The following NPHP4 variants were observed in gnomAD, a reference collection of about 807,000 sequenced individuals.
NPHP4 encodes nephrocystin-4.
A neutral mutation model predicts 155.8 loss-of-function variants in NPHP4; 151 were observed. That is an observed-to-expected ratio of 0.97 (90% CI 0.85 to 1.11). The LOEUF (loss-of-function observed/expected upper bound fraction) is 1.11. Ranked by LOEUF, NPHP4 falls within the 50% of genes least tolerant of loss-of-function variation. The pLI, the probability that NPHP4 is intolerant of heterozygous loss-of-function variation, is 0.00. For missense variants in NPHP4, 1,956 were observed against 1,925.7 expected, an observed-to-expected ratio of 1.02 and a Z score of -0.29; for synonymous variants, 845 against 816.8, an observed-to-expected ratio of 1.03 and a Z score of -0.59.
chr1:5,903,669 A>T (rs1313013839), intron 16 of NPHP4, among the ~76,000 whole-genome samples: 1 of 152,208 alleles, frequency 6.6e-6, no homozygotes, highest in Non-Finnish European at 1.5e-5. Context: ...TTACTTCAGA[A>T]ATTGGCAAAT....
At chr1:5,864,780 C>G in intron 27 of NPHP4, 1 of 537,526 alleles carries the variant, frequency 1.9e-6, no homozygotes, top group East Asian at 2.9e-5. Flanking sequence ...GGGCTTAAAA[C>G]CCCGGCCAGC....
At chr1:5,880,764 G>A (rs183255106) in intron 18 of NPHP4, 282 of 162,772 alleles carry the variant, frequency 1.7e-3, no homozygotes, top group African/African-American at 6.0e-3. Flanking sequence ...CGTGTCTCAC[G>A]GCCGGTGGGT....
chr1:5,866,414 A>C lies in NPHP4; in HGVS notation c.3603T>G (p.Gly1201=). 1 of 1,608,624 alleles carries C rather than the reference A, an allele frequency of 6.2e-7. No homozygotes were observed. Among genetic ancestry groups the C allele is most frequent in the Non-Finnish European group, 8.5e-7 (1 of 1,177,166 alleles). The stretch of plus-strand genomic sequence containing the variant: ...AGAAGTCTTTGATCTCCGGGCTTGG[A>C]CCACTGGCCACCTTCAGAAATATGT... ...PRDIFLKVAS[G]PSPEIKDFFV... Residue 1201 remains glycine, a synonymous_variant, in exon 26 of 30, where the codon GGT becomes GGG. Coordinates refer to ENST00000378156, the MANE Select transcript of NPHP4 (RefSeq NM_015102.5).
chr1:5,972,403 C>T (rs1652741232), intron 3 of NPHP4, among the ~76,000 whole-genome samples: 1 of 152,200 alleles, frequency 6.6e-6, no homozygotes, highest in African/African-American at 2.4e-5. Flanking sequence ...CAGGGACAGC[C>T]CCCTGCCCCA....
At position 5,933,284 on chromosome 1, in the gene NPHP4, C is replaced by A; in HGVS notation, c.1165G>T (p.Val389Phe). 6.2e-7 allele frequency: 1 copy of A among 1,613,632 alleles called. No homozygotes were observed. Residue 389 changes from valine to phenylalanine, a missense_variant, in exon 10 of 30, where the codon GTC becomes TTC. Physicochemically the swap from Val to Phe is conservative, Grantham distance 50. Coordinates refer to ENST00000378156, the MANE Select transcript of NPHP4 (RefSeq NM_015102.5). Reference protein sequence around the residue: ...SLSNLACMHMVRWAVWNPLLE... With the variant: ...SLSNLACMHMFRWAVWNPLLE... ...AAGGGGTTCCAAACAGCCCAGCGGA[C>A]CATGTGCATGCATGCCAGGTTGGAC...
At chr1:5,924,986 T>C (rs1178267127) in intron 11 of NPHP4, among the ~76,000 whole-genome samples, 1 of 152,212 alleles carries the variant, frequency 6.6e-6, no homozygotes, top group Non-Finnish European at 1.5e-5. Flanking sequence ...TGAAAATTTC[T>C]TTCCAGAGAA....
chr1:5,932,232 A>G (rs543705293), intron 10 of NPHP4, among the ~76,000 whole-genome samples: 4 of 152,312 alleles, frequency 2.6e-5, no homozygotes, highest in African/African-American at 9.6e-5. Context: ...CAAGACCACA[A>G]TGCAAGTTTG....
At position 5,910,810 on chromosome 1, in the gene NPHP4, AAGG is replaced by A. The variant is rs1645143225; in HGVS notation, c.1442-1600_1442-1598del. Among the ~76,000 whole-genome samples, 1 of 152,284 alleles carries A rather than the reference AAGG, an allele frequency of 6.6e-6. No homozygotes were observed. The highest frequency in any genetic ancestry group is 2.4e-5 in the African/African-American group (1 of 41,562). ...TCCCAGCAGCTTCCAGAACCCATCC[AAGG>A]AGGTGCTTCCCCAGCTGCAGGATCT... On this transcript the variant is annotated intron_variant, in intron 11 of 29. Transcript: ENST00000378156. The surrounding 1 kb of genome is among the most constrained non-coding windows in gnomAD (Gnocchi z 5.4).
At chr1:5,937,628 G>T (rs1014832506) in intron 9 of NPHP4, among the ~76,000 whole-genome samples, 1 of 152,154 alleles carries the variant, frequency 6.6e-6, no homozygotes, top group Admixed American at 6.5e-5. Context: ...ATGACAGGGT[G>T]GGGTCCCCGC....
At chr1:5,891,344 T>C (rs533224621) in intron 16 of NPHP4, among the ~76,000 whole-genome samples, 170 of 152,328 alleles carry the variant, frequency 1.1e-3, no homozygotes, top group African/African-American at 3.9e-3. Context: ...GGGAGTTTAT[T>C]ATTCTGGGCG....
intron 4 of NPHP4, 144 bp from the exon 5 acceptor site, chr1:5,967,507 T>A (rs1160755282): frequency 2.7e-5 from 18 of 654,792 alleles, no homozygotes; most frequent in Non-Finnish European, 4.3e-5. Flanking sequence ...CAGAGGCAGC[T>A]GAGGCCAGCA....
Position 5,905,753 on chromosome 1 carries a change from G to A in NPHP4, c.1642C>T (p.His548Tyr), listed in dbSNP as rs1051846760. ...GTCTGGCTCAGGTCGGCTTCCAGGTGGGAGATACCGGCCTCCAACGGGAAC... is the reference window on the plus strand; with the variant it reads ...GTCTGGCTCAGGTCGGCTTCCAGGTAGGAGATACCGGCCTCCAACGGGAAC... The part of the protein sequence containing the change: ...QEFPLEAGIS[H>Y]LEADLSQTSL... The change falls in exon 14 of 30, where the codon CAC becomes TAC. Residue 548 changes from histidine (H) to tyrosine (Y), a missense_variant. Transcript: ENST00000378156. This position sits in a 1 kb window ranked among gnomAD's most constrained non-coding sequence, Gnocchi z 4.0. 7 of 1,611,558 alleles carry A rather than the reference G, an allele frequency of 4.3e-6. No individual in the cohort carries two copies. The highest frequency in any genetic ancestry group is 5.9e-6 in the Non-Finnish European group (7 of 1,178,826).
At position 5,866,419 on chromosome 1, in the gene NPHP4, T is replaced by C. The variant is rs776015929; in HGVS notation, c.3598A>G (p.Ser1200Gly). 28 of 1,608,632 alleles carry C rather than the reference T, an allele frequency of 1.7e-5. No homozygotes were observed. Among genetic ancestry groups the C allele is most frequent in the Non-Finnish European group, 2.4e-5 (28 of 1,177,218 alleles). ...TCTTTGATCTCCGGGCTTGGACCACTGGCCACCTTCAGAAATATGTCCCGT... is the reference window on the plus strand; with the variant it reads ...TCTTTGATCTCCGGGCTTGGACCACCGGCCACCTTCAGAAATATGTCCCGT... ...EPRDIFLKVA[S>G]GPSPEIKDFF... Residue 1200 changes from serine (S) to glycine (G), a missense_variant, in exon 26 of 30, where the codon AGT (serine) becomes GGT (glycine). Transcript: ENST00000378156.
intron 7 of NPHP4, among the ~76,000 whole-genome samples, chr1:5,951,953 C>T (rs937474022): frequency 9.2e-5 from 14 of 152,208 alleles, no homozygotes; most frequent in African/African-American, 1.7e-4. Flanking sequence ...CTGAGCTCCA[C>T]GCACCTGCAC....
intron 11 of NPHP4, among the ~76,000 whole-genome samples, chr1:5,916,358 A>G (rs1645471334): frequency 6.6e-6 from 1 of 152,256 alleles, no homozygotes; most frequent in Non-Finnish European, 1.5e-5. Context: ...CTGAAGTATG[A>G]AAAGTTTCCA....
In NPHP4 at chr1:5,977,333, G is replaced by C. The variant is rs559159553; in HGVS notation, c.279+937C>G. Among the ~76,000 whole-genome samples the C allele has an allele frequency of 7.2e-5, 11 of 152,148 alleles. No individual in the cohort carries two copies. In the East Asian group the frequency reaches 1.9e-3, roughly 27 times the overall value. ...TAACACCCCTGGGTCTCCCTGCTCT[G>C]CTTGAAGCAGCCTCGTCCCTGCTTG... On this transcript the variant is annotated intron_variant, in intron 3 of 29. Coordinates refer to ENST00000378156, the MANE Select transcript of NPHP4 (RefSeq NM_015102.5).
intron 16 of NPHP4, among the ~76,000 whole-genome samples, chr1:5,894,420 A>C (rs1375717276): frequency 1.3e-5 from 2 of 151,744 alleles, no homozygotes; most frequent in Non-Finnish European, 2.9e-5. Context: ...ACTGCATTCC[A>C]GCCTGGGCTA....
intron 7 of NPHP4, among the ~76,000 whole-genome samples, chr1:5,951,967 G>C (rs1648168461): frequency 6.6e-6 from 1 of 152,220 alleles, no homozygotes; most frequent in African/African-American, 2.4e-5. Context: ...CCTGCACGAC[G>C]CAGACATCCC....
chr1:5,970,752 C>T (rs538323276), intron 3 of NPHP4, among the ~76,000 whole-genome samples: 4 of 152,090 alleles, frequency 2.6e-5, no homozygotes, highest in Admixed American at 1.3e-4. Context: ...TGGAATAATC[C>T]TCCTATTAAC....
Sources: gnomAD v4.1 joint callset for allele counts (sites outside exome capture counted in the v4.1 genomes callset) on GRCh38, gnomAD v4.1.1 for gene constraint, Gnocchi (gnomAD v3.1) non-coding constraint, MANE v1.5 for transcripts, NCBI Gene and HGNC (gene_info 2026-07-23, HGNC 2026-07-21) for gene names.